SGK3: variants seen among roughly 807,000 people sequenced by gnomAD.
SGK3 encodes the protein serine/threonine-protein kinase Sgk3.
In SGK3, 47 loss-of-function variants were observed where a neutral mutation model predicts 68.5. The ratio of observed to expected loss-of-function variants is 0.69; its 90% CI spans 0.54 to 0.87. The LOEUF (loss-of-function observed/expected upper bound fraction) is 0.87, where lower values mean the gene tolerates loss of function less well. SGK3 is among the 40% of genes least tolerant of loss of function. SGK3 has a pLI of 0.00. For missense variants in SGK3, 479 were observed against 575.5 expected (o/e 0.83, Z 1.72); for synonymous variants, 181 against 189.1 (o/e 0.96, Z 0.35).
chr8:66,847,564 C>T (rs1354073942), intron 15 of SGK3, among the ~76,000 whole-genome samples: 1 of 152,150 alleles, frequency 6.6e-6, no homozygotes, highest in African/African-American at 2.4e-5. Context: ...TTGCCCTATC[C>T]ACCACATACA....
rs752824544 is a variant in SGK3, at chr8:66,741,584, G to C, written c.-122+28751G>C. On this transcript the variant is annotated intron_variant, in intron 1 of 16. Transcript: ENST00000521198. Reference sequence around the variant, plus strand: ...TAATAATAATAATTATATGTTGGTGGGGCTGGGTACAGTGGCTCATACCTG... The same window carrying C: ...TAATAATAATAATTATATGTTGGTGCGGCTGGGTACAGTGGCTCATACCTG... Among the ~76,000 whole-genome samples, 12 of 151,724 alleles carry C rather than the reference G, an allele frequency of 7.9e-5. No homozygotes were observed. In the South Asian group the frequency reaches 8.3e-4, roughly 11 times the overall value.
chr8:66,798,651 A>G, intron 3 of SGK3, 26 bp downstream of exon 3: 1 of 1,559,930 alleles, frequency 6.4e-7, no homozygotes, highest in South Asian at 1.2e-5. Flanking sequence ...CAAGATTTCT[A>G]ATTAAAAGAA....
chr8:66,799,109 T>C (rs529170962), intron 3 of SGK3, among the ~76,000 whole-genome samples: 1 of 152,340 alleles, frequency 6.6e-6, no homozygotes. Context: ...GCTACCTAGG[T>C]GGTAAGATCT....
At chr8:66,825,371 C>G (rs920748973) in intron 6 of SGK3, among the ~76,000 whole-genome samples, 3 of 149,460 alleles carry the variant, frequency 2.0e-5, no homozygotes, top group Non-Finnish European at 4.4e-5. Flanking sequence ...CTCCGTCGCC[C>G]AGGCTGGAGT....
chr8:66,762,697 T>C (rs1353408264), intron 1 of SGK3, among the ~76,000 whole-genome samples: 13 of 152,302 alleles, frequency 8.5e-5, no homozygotes. Context: ...ATCCATACAA[T>C]TGGTAATTGA....
At chr8:66,792,151 G>C (rs1467867344) in intron 1 of SGK3, among the ~76,000 whole-genome samples, 1 of 152,022 alleles carries the variant, frequency 6.6e-6, no homozygotes. Flanking sequence ...CCAACATGGA[G>C]AAACCCCATC....
rs62513061 is a variant in SGK3, at chr8:66,798,781, G to C, written c.180+156G>C. Among the ~76,000 whole-genome samples, 784 of 152,238 alleles carry C rather than the reference G, an allele frequency of 5.1e-3. 3 individuals carry two copies. The highest frequency in any genetic ancestry group is 0.02 in the Middle Eastern group (6 of 294). On this transcript the variant is annotated intron_variant, in intron 3 of 16. Coordinates refer to ENST00000521198, the MANE Select transcript of SGK3 (RefSeq NM_001033578.3). ...GATTCTTCAAAAACATCCTAACTTT[G>C]GAATGCTTTCAAAGAAAGGGTAGAG...
intron 1 of SGK3, among the ~76,000 whole-genome samples, chr8:66,785,004 G>A (rs1020606220): frequency 1.2e-4 from 19 of 152,184 alleles, no homozygotes; most frequent in Non-Finnish European, 2.4e-4. Context: ...TGTGTACCAA[G>A]CTCTCAGTTA....
chr8:66,744,466 C>CAT (rs1269775924), intron 1 of SGK3, among the ~76,000 whole-genome samples: 1 of 98,366 alleles, frequency 1.0e-5, no homozygotes, highest in African/African-American at 3.5e-5. Context: ...AATATATATG[C>CAT]ATATATGTGT....
At chr8:66,839,239 C>A (rs1347816106) in intron 10 of SGK3, among the ~76,000 whole-genome samples, 1 of 151,566 alleles carries the variant, frequency 6.6e-6, no homozygotes, top group East Asian at 1.9e-4. Flanking sequence ...CAGGCAGTAA[C>A]CTTAGTTAAA....
At chr8:66,794,285 A>G (rs1449900975) in intron 2 of SGK3, among the ~76,000 whole-genome samples, 1 of 152,128 alleles carries the variant, frequency 6.6e-6, no homozygotes, top group African/African-American at 2.4e-5. Context: ...TTCTAATTTT[A>G]TCGTTTATCA....
chr8:66,800,800 G>A (rs960352912), intron 3 of SGK3, among the ~76,000 whole-genome samples: 19 of 152,202 alleles, frequency 1.2e-4, no homozygotes, highest in African/African-American at 4.6e-4. Context: ...TTAATAGGGA[G>A]ACTCCATCTC....
intron 4 of SGK3, among the ~76,000 whole-genome samples, chr8:66,805,242 G>C (rs755335629): frequency 6.6e-6 from 1 of 152,052 alleles, no homozygotes; most frequent in Non-Finnish European, 1.5e-5. Flanking sequence ...ATCCTAAGCC[G>C]GGCACGGTGG....
intron 1 of SGK3, among the ~76,000 whole-genome samples, chr8:66,729,447 C>T (rs950767995): frequency 6.6e-6 from 1 of 150,896 alleles, no homozygotes; most frequent in African/African-American, 2.5e-5. Context: ...CAGAGCGAGA[C>T]TCCATCTCAA....
At chr8:66,767,957 G>A in intron 1 of SGK3, 1 of 909,328 alleles carries the variant, frequency 1.1e-6, no homozygotes, top group South Asian at 1.3e-5. Flanking sequence ...GTAGCCACAA[G>A]GATGCCTGGT....
intron 8 of SGK3, among the ~76,000 whole-genome samples, chr8:66,833,753 G>A (rs1044186687): frequency 7.9e-5 from 12 of 152,138 alleles, no homozygotes; most frequent in East Asian, 1.9e-4. Flanking sequence ...GTGCGGTGGC[G>A]CAATCTCGGC....
At chr8:66,762,059 C>T (rs1470390176) in intron 1 of SGK3, among the ~76,000 whole-genome samples, 1 of 152,130 alleles carries the variant, frequency 6.6e-6, no homozygotes, top group Non-Finnish European at 1.5e-5. Flanking sequence ...AAGTCTCGCT[C>T]TTGTCCCCCA....
In SGK3 at chr8:66,817,452, C is replaced by T. The variant is rs147964637; in HGVS notation, c.329+3524C>T. On this transcript the variant is annotated intron_variant, in intron 5 of 16. Transcript: ENST00000521198. ...CTCAAAAAAAAAACAAAAAAACAAA[C>T]GGAGTTTCACCTGCCTCAGCCTCCC... Among the ~76,000 whole-genome samples, 647 of 151,126 alleles carry T rather than the reference C, an allele frequency of 4.3e-3. 6 individuals carry two copies. The highest frequency in any genetic ancestry group is 0.015 in the African/African-American group (617 of 41,308).
intron 1 of SGK3, among the ~76,000 whole-genome samples, chr8:66,721,114 C>T (rs1804782605): frequency 6.6e-6 from 1 of 152,194 alleles, no homozygotes; most frequent in South Asian, 2.1e-4. Flanking sequence ...CATAGGCTGT[C>T]TCAGAGTCAG....
Sources: allele counts gnomAD v4.1 joint callset (sites outside exome capture counted in the v4.1 genomes callset), GRCh38; gene constraint gnomAD v4.1.1; transcripts MANE v1.5; gene names NCBI Gene and HGNC (gene_info 2026-07-23, HGNC 2026-07-21).